The following GAS2 variants were observed in gnomAD, a reference collection of about 807,000 sequenced individuals.
GAS2 encodes growth arrest specific 2, also known as growth arrest-specific protein 2.
In GAS2, 20 loss-of-function variants were observed where a neutral mutation model predicts 37.5. The ratio of observed to expected loss-of-function variants is 0.53; its 90% CI spans 0.37 to 0.77. The LOEUF (loss-of-function observed/expected upper bound fraction) is 0.77, where lower values mean the gene tolerates loss of function less well. Ranked by LOEUF, GAS2 falls within the 30% of genes least tolerant of loss-of-function variation. The pLI is 0.00. For synonymous variants in GAS2, 144 were observed against 132.2 expected (o/e 1.09, Z -0.61); for missense variants, 336 against 373.4 (o/e 0.90, Z 0.82).
chr11:22,744,666 C>T (rs565463288), intron 5 of GAS2, among the ~76,000 whole-genome samples: 53 of 152,012 alleles, frequency 3.5e-4, no homozygotes, highest in African/African-American at 1.2e-3. Context: ...GAATAAGAAC[C>T]ATCTATGACA....
At chr11:22,735,706 A>G (rs905750069) in intron 4 of GAS2, among the ~76,000 whole-genome samples, 47 of 152,050 alleles carry the variant, frequency 3.1e-4, no homozygotes, top group African/African-American at 1.1e-3. Flanking sequence ...AGTACTCAGA[A>G]TATGTACAGT....
At chr11:22,799,532 A>G (rs1856569678) in intron 7 of GAS2, among the ~76,000 whole-genome samples, 2 of 151,808 alleles carry the variant, frequency 1.3e-5, no homozygotes, top group Admixed American at 1.3e-4. Flanking sequence ...ACAATCTCCC[A>G]CTTTCTTATG....
At chr11:22,779,210 C>G (rs1220056575) in intron 7 of GAS2, among the ~76,000 whole-genome samples, 1 of 151,974 alleles carries the variant, frequency 6.6e-6, no homozygotes, top group African/African-American at 2.4e-5. Context: ...CTTCATGAGT[C>G]CTAGTCATCG....
At chr11:22,671,205 T>C (rs1167525195) in intron 1 of GAS2, among the ~76,000 whole-genome samples, 1 of 152,066 alleles carries the variant, frequency 6.6e-6, no homozygotes, top group South Asian at 2.1e-4. Flanking sequence ...ACTTCTACTA[T>C]GGAAAGAAAG....
chr11:22,687,725 G>A (rs1226763673), intron 3 of GAS2, among the ~76,000 whole-genome samples: 1 of 152,148 alleles, frequency 6.6e-6, no homozygotes, highest in African/African-American at 2.4e-5. Context: ...GATGTAACTG[G>A]CCTCTACATC....
chr11:22,761,459 C>T (rs760988669), intron 7 of GAS2, among the ~76,000 whole-genome samples: 1 of 152,126 alleles, frequency 6.6e-6, no homozygotes, highest in Non-Finnish European at 1.5e-5. Flanking sequence ...AGGTAGATAA[C>T]ATTTTGTGCT....
intron 1 of GAS2, among the ~76,000 whole-genome samples, chr11:22,631,691 T>A (rs2133805614): frequency 6.6e-6 from 1 of 152,284 alleles, no homozygotes; most frequent in East Asian, 1.9e-4. Context: ...TGATGAATTA[T>A]CTTTTTGATG....
chr11:22,746,971 A>T (rs1289421878), intron 5 of GAS2, among the ~76,000 whole-genome samples: 2 of 152,200 alleles, frequency 1.3e-5, no homozygotes, highest in African/African-American at 4.8e-5. Context: ...GTACTTGTCA[A>T]GAGCAAGGTA....
chr11:22,685,492 G>A (rs151072188), intron 2 of GAS2, among the ~76,000 whole-genome samples, 176 bp from the exon 3 acceptor site: 114 of 152,204 alleles, frequency 7.5e-4, no homozygotes, highest in African/African-American at 2.6e-3. Context: ...TGAGATTCTT[G>A]CAACCAAAGG....
rs1446540107 is a variant in GAS2, at chr11:22,636,869, T to G, written c.-21+11056T>G. 4.1e-5 allele frequency among the ~76,000 whole-genome samples: 6 copies of G among 146,822 alleles called. No individual in the cohort carries two copies. In the Admixed American group the frequency reaches 4.1e-4, roughly 10 times the overall value. On this transcript the variant is annotated intron_variant, in intron 1 of 5. Transcript: ENST00000528582. ...GTATATACAAATATATAACATTATT[T>G]TAAATGAAAATTTATATTACCTATT...
chr11:22,747,271 G>A (rs1853460334), intron 5 of GAS2, among the ~76,000 whole-genome samples: 1 of 152,154 alleles, frequency 6.6e-6, no homozygotes, highest in Non-Finnish European at 1.5e-5. Flanking sequence ...TAAGATGCTT[G>A]TGATTCTTGG....
At chr11:22,678,434 A>G (rs571789415) in intron 2 of GAS2, among the ~76,000 whole-genome samples, 1 of 152,212 alleles carries the variant, frequency 6.6e-6, no homozygotes, top group East Asian at 1.9e-4. Context: ...CTCTTTTTCA[A>G]GTCTTGCTTT....
At chr11:22,810,907 A>G (rs906608207) in intron 7 of GAS2, among the ~76,000 whole-genome samples, 2 of 152,198 alleles carry the variant, frequency 1.3e-5, no homozygotes, top group South Asian at 2.1e-4. Flanking sequence ...TTCTCTCACA[A>G]TCACATCCTC....
chr11:22,669,451 T>A (rs936844418), intron 1 of GAS2, among the ~76,000 whole-genome samples: 4 of 152,296 alleles, frequency 2.6e-5, no homozygotes, highest in Middle Eastern at 3.4e-3. Flanking sequence ...CAGGTTTTTT[T>A]AAATCATGAT....
At chr11:22,652,477 T>C (rs968035897) in intron 1 of GAS2, among the ~76,000 whole-genome samples, 10 of 152,214 alleles carry the variant, frequency 6.6e-5, no homozygotes, top group Non-Finnish European at 7.4e-5. Flanking sequence ...CTGCTTTGTT[T>C]ACCTAAGCAA....
intron 7 of GAS2, among the ~76,000 whole-genome samples, chr11:22,786,357 G>A (rs1855817563): frequency 6.6e-6 from 1 of 152,092 alleles, no homozygotes; most frequent in South Asian, 2.1e-4. Context: ...GTGGGTTTTT[G>A]AAGATTAACC....
chr11:22,628,831 T>G (rs1858702356), intron 1 of GAS2, among the ~76,000 whole-genome samples: 1 of 152,192 alleles, frequency 6.6e-6, no homozygotes, highest in African/African-American at 2.4e-5. Flanking sequence ...TACCACTCTG[T>G]CTGCCTTTGC....
At chr11:22,701,058 G>T (rs114496120) in intron 3 of GAS2, among the ~76,000 whole-genome samples, 1 of 152,226 alleles carries the variant, frequency 6.6e-6, no homozygotes, top group African/African-American at 2.4e-5. Context: ...GTCTGCCAAA[G>T]CACTATTTAA....
intron 7 of GAS2, among the ~76,000 whole-genome samples, chr11:22,758,410 T>C (rs73482122): frequency 0.14 from 21,723 of 152,206 alleles, 1,698 homozygotes; most frequent in East Asian, 0.2. Flanking sequence ...TTCTATAAAG[T>C]ATACATACAA....
Sources: gnomAD v4.1 joint callset for allele counts (sites outside exome capture counted in the v4.1 genomes callset) on GRCh38, gnomAD v4.1.1 for gene constraint, MANE v1.5 for transcripts, NCBI Gene and HGNC (gene_info 2026-07-23, HGNC 2026-07-21) for gene names.